Variants in TRPC4 observed in about 807,000 individuals in gnomAD.
TRPC4 encodes transient receptor potential cation channel subfamily C member 4, also known as short transient receptor potential channel 4.
TRPC4 carries 49 observed loss-of-function variants against 99.4 expected under a neutral mutation model. The observed-to-expected ratio is 0.49, with a 90% CI of 0.39 to 0.63. The LOEUF (loss-of-function observed/expected upper bound fraction) is 0.63. TRPC4 is among the 20% of genes least tolerant of loss of function. The pLI, the probability that TRPC4 is intolerant of heterozygous loss-of-function variation, is 0.00. For missense variants in TRPC4, 898 were observed against 1,152.9 expected (o/e 0.78, Z 3.20); for synonymous variants, 454 against 425.9 (o/e 1.07, Z -0.81).
chr13:37,741,051 T>G (rs999567043), intron 3 of TRPC4, among the ~76,000 whole-genome samples: 1 of 152,224 alleles, frequency 6.6e-6, no homozygotes, highest in African/African-American at 2.4e-5. Flanking sequence ...TTAAATATAT[T>G]GAAAAGCTAT....
At chr13:37,709,645 C>T (rs1261211069) in intron 3 of TRPC4, among the ~76,000 whole-genome samples, 1 of 151,940 alleles carries the variant, frequency 6.6e-6, no homozygotes, top group Admixed American at 6.6e-5. Context: ...TCCAGTGGCT[C>T]TCATTCTGAA....
chr13:37,773,025 T>C (rs1484344369), intron 2 of TRPC4, among the ~76,000 whole-genome samples: 1 of 151,780 alleles, frequency 6.6e-6, no homozygotes, highest in Non-Finnish European at 1.5e-5. Context: ...GAAAATCAGA[T>C]AACCAGTTTT....
intron 1 of TRPC4, among the ~76,000 whole-genome samples, chr13:37,839,003 T>C (rs1445383227): frequency 1.3e-5 from 2 of 152,186 alleles, no homozygotes; most frequent in Non-Finnish European, 2.9e-5. Flanking sequence ...ACATCTGATA[T>C]CATGCTCTTA....
intron 5 of TRPC4, among the ~76,000 whole-genome samples, chr13:37,664,909 C>T (rs1024039455): frequency 2.0e-5 from 3 of 152,160 alleles, no homozygotes; most frequent in Non-Finnish European, 4.4e-5. Flanking sequence ...TCTTATTCAA[C>T]ACTCAGACTC....
At chr13:37,754,231 A>C (rs1956035861) in intron 2 of TRPC4, among the ~76,000 whole-genome samples, 2 of 152,112 alleles carry the variant, frequency 1.3e-5, no homozygotes, top group East Asian at 1.9e-4. Flanking sequence ...TGCTTTATTC[A>C]ATGTCTCCCA....
At chr13:37,818,966 T>A (rs1448695683) in intron 1 of TRPC4, among the ~76,000 whole-genome samples, 1 of 151,502 alleles carries the variant, frequency 6.6e-6, no homozygotes, top group Non-Finnish European at 1.5e-5. Flanking sequence ...AAAATACATG[T>A]GGCCAACAAG....
intron 1 of TRPC4, among the ~76,000 whole-genome samples, chr13:37,849,955 C>T (rs1462252414): frequency 2.0e-5 from 3 of 152,148 alleles, no homozygotes; most frequent in Non-Finnish European, 4.4e-5. Flanking sequence ...GAAAACTACC[C>T]GATATATTAA....
At chr13:37,773,641 CT>C (rs1178884579) in intron 2 of TRPC4, among the ~76,000 whole-genome samples, 1 of 151,672 alleles carries the variant, frequency 6.6e-6, no homozygotes, top group Non-Finnish European at 1.5e-5. Context: ...GTCCACCTCT[CT>C]TTTTAAAATG....
intron 2 of TRPC4, among the ~76,000 whole-genome samples, chr13:37,755,500 A>G (rs1383880783): frequency 6.6e-6 from 1 of 151,650 alleles, no homozygotes; most frequent in Admixed American, 6.6e-5. Context: ...TCAAACTCCT[A>G]GGCTCAAGTG....
intron 3 of TRPC4, among the ~76,000 whole-genome samples, chr13:37,726,175 G>A (rs983389602): frequency 7.3e-5 from 11 of 151,214 alleles, no homozygotes; most frequent in African/African-American, 1.7e-4. Context: ...CAGCCTGGGC[G>A]ACAGAGTGAG....
At chr13:37,744,335 A>G (rs545066586) in intron 3 of TRPC4, among the ~76,000 whole-genome samples, 1 of 152,298 alleles carries the variant, frequency 6.6e-6, no homozygotes, top group Non-Finnish European at 1.5e-5. Flanking sequence ...ATCATTGTGT[A>G]GTAAAATTAC....
intron 3 of TRPC4, among the ~76,000 whole-genome samples, chr13:37,728,461 G>A (rs558003241): frequency 6.6e-6 from 1 of 151,986 alleles, no homozygotes; most frequent in Admixed American, 6.6e-5. Context: ...AAATATGTAG[G>A]AATTACCTTA....
At chr13:37,751,952 A>C (rs11841906) in intron 2 of TRPC4, among the ~76,000 whole-genome samples, 2,831 of 150,910 alleles carry the variant, frequency 0.019, 69 homozygotes, top group African/African-American at 0.066. Context: ...TGATAACCAA[A>C]TTTTAATCTG....
chr13:37,651,429 G>A lies in TRPC4; in HGVS notation c.1915C>T (p.Arg639Ter), dbSNP rs369055871. ...AAATAACTCATCCAAAGCTTTGTTC[G>A]TGCAAATTTCCATTCTATATCTGCA... is the stretch of plus-strand genomic sequence containing the variant. ...DHADIEWKFA[R>*]TKLWMSYFEE... Residue 639 changes from arginine to a stop codon, truncating the protein, a stop_gained, in exon 8 of 11, where the codon CGA becomes TGA. Coordinates refer to ENST00000379705, the MANE Select transcript of TRPC4 (RefSeq NM_016179.4). LOFTEE classifies it high-confidence loss of function. 6 of 1,613,838 alleles carry A rather than the reference G, an allele frequency of 3.7e-6. No individual in the cohort carries two copies. The highest frequency in any genetic ancestry group is 3.3e-5 in the Admixed American group (2 of 59,984).
At chr13:37,669,775 T>A (rs1358519122) in intron 5 of TRPC4, among the ~76,000 whole-genome samples, 1 of 152,134 alleles carries the variant, frequency 6.6e-6, no homozygotes, top group East Asian at 1.9e-4. Flanking sequence ...AGGTAGGAAG[T>A]GATATAAGTC....
intron 2 of TRPC4, among the ~76,000 whole-genome samples, chr13:37,757,902 C>T (rs909421250): frequency 6.6e-6 from 1 of 151,934 alleles, no homozygotes; most frequent in East Asian, 1.9e-4. Context: ...CTGGGGAAAT[C>T]CCAAATTGGT....
At chr13:37,808,793 C>T (rs1184938451) in intron 1 of TRPC4, among the ~76,000 whole-genome samples, 1 of 152,006 alleles carries the variant, frequency 6.6e-6, no homozygotes, top group Non-Finnish European at 1.5e-5. Flanking sequence ...GTCCTGTTAC[C>T]TTTCTCTCCC....
At chr13:37,801,106 T>A (rs1957388762) in intron 1 of TRPC4, among the ~76,000 whole-genome samples, 1 of 152,132 alleles carries the variant, frequency 6.6e-6, no homozygotes, top group South Asian at 2.1e-4. Flanking sequence ...TCAGTCTACA[T>A]CTTATTTTTG....
chr13:37,737,025 G>T (rs1185317233), intron 3 of TRPC4, among the ~76,000 whole-genome samples: 2 of 151,076 alleles, frequency 1.3e-5, no homozygotes, highest in Non-Finnish European at 1.5e-5. Context: ...AAGCCAGCAC[G>T]CCCAGCCAAC....
Sources: gnomAD v4.1 joint callset for allele counts (sites outside exome capture counted in the v4.1 genomes callset) on GRCh38, gnomAD v4.1.1 for gene constraint, MANE v1.5 for transcripts, NCBI Gene and HGNC (gene_info 2026-07-23, HGNC 2026-07-21) for gene names.